The following PPP2R2B variants were observed in gnomAD, a reference collection of about 807,000 sequenced individuals.
PPP2R2B encodes the protein serine/threonine-protein phosphatase 2A 55 kDa regulatory subunit B beta isoform.
Under a neutral mutation model 46.0 loss-of-function variants are expected in PPP2R2B, and 5 were observed. That is an observed-to-expected ratio of 0.11 (90% confidence interval 0.06 to 0.23). PPP2R2B has a LOEUF of 0.23. Among genes scored for constraint, PPP2R2B ranks in the 10% least tolerant of loss-of-function variants. PPP2R2B has a pLI of 1.00. For synonymous variants in PPP2R2B, 215 were observed against 206.7 expected, an observed-to-expected ratio of 1.04 and a Z score of -0.34; for missense variants, 367 against 575.0, an observed-to-expected ratio of 0.64 and a Z score of 3.70.
At chr5:146,986,214 G>GGA (rs148140397) in intron 1 of PPP2R2B, among the ~76,000 whole-genome samples, 10 of 152,026 alleles carry the variant, frequency 6.6e-5, no homozygotes, top group Non-Finnish European at 1.3e-4. Context: ...TATCAGTTTG[G>GGA]GAGAGAGAGA....
chr5:146,753,116 G>A (rs1038764958), intron 2 of PPP2R2B, among the ~76,000 whole-genome samples: 2 of 152,206 alleles, frequency 1.3e-5, no homozygotes, highest in South Asian at 4.1e-4. Flanking sequence ...GCTGGGTTCA[G>A]AACCTGGATA....
rs182040666 is a variant in PPP2R2B, at chr5:146,983,337, C to T, written c.79+72328G>A. Among the ~76,000 whole-genome samples the T allele has an allele frequency of 5.2e-3, 786 of 151,908 alleles. 3 individuals are homozygous for T. The highest frequency in any genetic ancestry group is 0.018 in the African/African-American group (728 of 41,470). Reference sequence around the variant, plus strand: ...CTGGGACTACAGGCGTCCGCCACCACGCCCGGCTAATTTTTTGTATTTTTA... The same window carrying T: ...CTGGGACTACAGGCGTCCGCCACCATGCCCGGCTAATTTTTTGTATTTTTA... On this transcript the variant is annotated intron_variant, in intron 1 of 8. Transcript: ENST00000336640.
chr5:146,820,506 T>G (rs916676423), intron 2 of PPP2R2B, among the ~76,000 whole-genome samples: 3 of 152,166 alleles, frequency 2.0e-5, no homozygotes, highest in Admixed American at 2.0e-4. Context: ...AAACCTCCTG[T>G]GTTCAGTGGA....
intron 2 of PPP2R2B, among the ~76,000 whole-genome samples, chr5:146,723,096 T>C (rs546609973): frequency 6.6e-6 from 1 of 152,302 alleles, no homozygotes; most frequent in Admixed American, 6.5e-5. Context: ...TTCCTCCTAT[T>C]ATAGCATTTA....
chr5:147,048,975 T>C (rs894320749), intron 1 of PPP2R2B, among the ~76,000 whole-genome samples: 1 of 151,666 alleles, frequency 6.6e-6, no homozygotes, highest in Non-Finnish European at 1.5e-5. Flanking sequence ...AACAAGTAAA[T>C]GGATGTATAA....
intron 5 of PPP2R2B, among the ~76,000 whole-genome samples, chr5:146,660,462 A>G (rs465773): frequency 0.94 from 143,262 of 152,124 alleles, 67,809 homozygotes; most frequent in East Asian, 1. Context: ...GTTAAACCTC[A>G]CTTTGGTCAA....
At chr5:146,712,281 T>C (rs1780254545) in intron 2 of PPP2R2B, among the ~76,000 whole-genome samples, 1 of 152,154 alleles carries the variant, frequency 6.6e-6, no homozygotes, top group South Asian at 2.1e-4. Context: ...TGGCTAGGAG[T>C]TGTGGTATTT....
At chr5:147,054,336 G>T (rs553521723) in intron 1 of PPP2R2B, among the ~76,000 whole-genome samples, 1 of 152,116 alleles carries the variant, frequency 6.6e-6, no homozygotes, top group African/African-American at 2.4e-5. Flanking sequence ...TTCTCCTGGA[G>T]ATTTTAGTCC....
chr5:146,687,080 GAGAGAGGGAGAGGA>G (rs1046121031), intron 5 of PPP2R2B, among the ~76,000 whole-genome samples: 4 of 151,424 alleles, frequency 2.6e-5, no homozygotes, highest in Admixed American at 2.0e-4. Context: ...GGGGGAGGGA[GAGAGAGGGAGAGGA>G]AGAGAGGGAG....
At position 146,683,259 on chromosome 5, in the gene PPP2R2B, G is replaced by C. The variant is rs143877110; in HGVS notation, c.447+7869C>G. ...GTAACTTTTACAATCTCCTTGAAAA[G>C]TTGTTTTCCAGCCCCTGCTTACTCA... On this transcript the variant is annotated intron_variant, in intron 5 of 9. Transcript: ENST00000394411. Among the ~76,000 whole-genome samples the C allele has an allele frequency of 9.9e-5, 15 of 152,266 alleles. No individual in the cohort carries two copies. In the East Asian group the frequency reaches 2.3e-3, roughly 23 times the overall value.
At chr5:146,786,320 C>T (rs1755835743) in intron 2 of PPP2R2B, among the ~76,000 whole-genome samples, 2 of 152,178 alleles carry the variant, frequency 1.3e-5, no homozygotes, top group African/African-American at 4.8e-5. Context: ...ATACACACAT[C>T]AGGAAACACT....
At chr5:146,951,223 A>G (rs1224877552) in intron 1 of PPP2R2B, among the ~76,000 whole-genome samples, 1 of 151,960 alleles carries the variant, frequency 6.6e-6, no homozygotes, top group African/African-American at 2.4e-5. Flanking sequence ...AATATACAAT[A>G]GAATGTATGC....
chr5:146,934,161 T>TAGC (rs1764062882), intron 1 of PPP2R2B, among the ~76,000 whole-genome samples: 1 of 152,152 alleles, frequency 6.6e-6, no homozygotes, highest in Non-Finnish European at 1.5e-5. Flanking sequence ...TGTGTCTTTA[T>TAGC]AGCAGCATGA....
intron 8 of PPP2R2B, among the ~76,000 whole-genome samples, chr5:146,594,951 T>C (rs879774942): frequency 3.9e-5 from 6 of 152,250 alleles, no homozygotes; most frequent in Non-Finnish European, 5.9e-5. Flanking sequence ...ACAGTTCTGC[T>C]GGATGCAGAG....
At chr5:146,734,625 C>T (rs1298717449) in intron 2 of PPP2R2B, among the ~76,000 whole-genome samples, 4 of 152,092 alleles carry the variant, frequency 2.6e-5, no homozygotes, top group Admixed American at 2.0e-4. Context: ...AGACACCCCA[C>T]CCCCTGGCCA....
chr5:146,889,087 T>C (rs1762415728), intron 1 of PPP2R2B, among the ~76,000 whole-genome samples: 2 of 152,224 alleles, frequency 1.3e-5, no homozygotes, highest in South Asian at 4.1e-4. Context: ...GCACTACTAG[T>C]TATGCTAATA....
In PPP2R2B at chr5:146,582,672, GTTCA is replaced by G. The variant is rs1769954744; in HGVS notation, c.*7271_*7274del. The G allele has an allele frequency of 6.6e-6, 1 of 152,126 alleles. No homozygotes were observed. The highest frequency in any genetic ancestry group is 1.5e-5 in the Non-Finnish European group (1 of 68,028). The allele number at this position is 152,126 out of a possible 1,614,324, so 9.4% of individuals were successfully genotyped here. ...GCCTGACTTCCTTACACGTTTATTT[GTTCA>G]TTCATTCAACAAAACTTTTGAGCAC... is the stretch of plus-strand genomic sequence containing the variant. On this transcript the variant is annotated 3_prime_UTR_variant, in exon 10 of 10. Coordinates refer to ENST00000394411, the MANE Select transcript of PPP2R2B (RefSeq NM_181675.4).
intron 4 of PPP2R2B, among the ~76,000 whole-genome samples, chr5:146,696,889 C>G (rs146442539): frequency 9.2e-5 from 14 of 152,310 alleles, no homozygotes; most frequent in Admixed American, 5.2e-4. Context: ...ATATGAGACT[C>G]ATTGTAAAAC....
intron 1 of PPP2R2B, among the ~76,000 whole-genome samples, chr5:146,975,553 C>T (rs1053412046): frequency 6.6e-6 from 1 of 152,128 alleles, no homozygotes; most frequent in Non-Finnish European, 1.5e-5. Flanking sequence ...TATGGTAACT[C>T]AATTTTTAAT....
Sources: allele counts gnomAD v4.1 joint callset (sites outside exome capture counted in the v4.1 genomes callset), GRCh38; gene constraint gnomAD v4.1.1; transcripts MANE v1.5; gene names NCBI Gene and HGNC (gene_info 2026-07-23, HGNC 2026-07-21).